The following USP28 variants were observed in gnomAD, a reference collection of about 807,000 sequenced individuals.
The protein encoded by USP28 is ubiquitin carboxyl-terminal hydrolase 28.
USP28 carries 113 observed loss-of-function variants against 145.0 expected under a neutral mutation model. The observed-to-expected ratio is 0.78, with a 90% CI of 0.67 to 0.91. The LOEUF (loss-of-function observed/expected upper bound fraction) is 0.91. Among genes scored for constraint, USP28 ranks in the 40% least tolerant of loss-of-function variants. USP28 has a pLI of 0.00. For synonymous variants in USP28, 447 were observed against 450.9 expected, an observed-to-expected ratio of 0.99 and a Z score of 0.11; for missense variants, 1,201 against 1,289.6, an observed-to-expected ratio of 0.93 and a Z score of 1.05.
exon 25 of USP28, chr11:113,798,503 G>A (rs1938353941): frequency 1.3e-5 from 2 of 152,388 alleles, no homozygotes; most frequent in South Asian, 4.1e-4. Flanking sequence ...CAATTTTTAG[G>A]TATTAGAAAA....
At chr11:113,838,106 A>G (rs1944775207) in intron 5 of USP28, among the ~76,000 whole-genome samples, 1 of 151,996 alleles carries the variant, frequency 6.6e-6, no homozygotes, top group South Asian at 2.1e-4. Flanking sequence ...GACTCCTCAG[A>G]TATACTTTCT....
chr11:113,869,059 C>T (rs1025117600), intron 1 of USP28, among the ~76,000 whole-genome samples: 5 of 151,854 alleles, frequency 3.3e-5, no homozygotes, highest in African/African-American at 7.3e-5. Context: ...CTTTTGGAGG[C>T]TGAGGCAGGA....
intron 1 of USP28, among the ~76,000 whole-genome samples, chr11:113,864,939 C>T (rs951704102): frequency 2.0e-5 from 3 of 152,184 alleles, no homozygotes; most frequent in African/African-American, 7.2e-5. Context: ...TAAGCTCAAG[C>T]GATCCTCCCT....
At chr11:113,853,301 CAAAAAAAAAAAAA>C (rs35806711) in intron 2 of USP28, among the ~76,000 whole-genome samples, 652 of 54,980 alleles carry the variant, frequency 0.012, 15 homozygotes, top group Middle Eastern at 0.047. Flanking sequence ...TCTCCTGTCT[CAAAAAAAAAAAAA>C]AAAAAAAAAA....
At chr11:113,823,924 T>A (rs569044789) in intron 11 of USP28, among the ~76,000 whole-genome samples, 1 of 152,208 alleles carries the variant, frequency 6.6e-6, no homozygotes, top group East Asian at 1.9e-4. Context: ...ACTGAAGATA[T>A]AACCAATGCA....
chr11:113,851,359 T>C (rs2136433819), intron 3 of USP28, among the ~76,000 whole-genome samples: 1 of 152,336 alleles, frequency 6.6e-6, no homozygotes, highest in Non-Finnish European at 1.5e-5. Context: ...CCTCCTTCTC[T>C]TTCCATGGCC....
At chr11:113,871,611 G>A (rs1219388591) in intron 1 of USP28, among the ~76,000 whole-genome samples, 2 of 152,048 alleles carry the variant, frequency 1.3e-5, no homozygotes, top group Non-Finnish European at 2.9e-5. Context: ...CATTAATCTA[G>A]GTTTATCTCT....
At chr11:113,845,871 G>C (rs556168149) in intron 3 of USP28, among the ~76,000 whole-genome samples, 1 of 152,102 alleles carries the variant, frequency 6.6e-6, no homozygotes, top group Non-Finnish European at 1.5e-5. Context: ...TACAGTGCCC[G>C]GACTAAAACA....
chr11:113,829,509 A>G, intron 9 of USP28, 164 bp from the exon 10 acceptor site: 1 of 760,154 alleles, frequency 1.3e-6, no homozygotes, highest in Non-Finnish European at 2.0e-6. Context: ...GTCAATCTAG[A>G]CACTGAACAA....
chr11:113,827,740 A>G (rs930522317), intron 10 of USP28, among the ~76,000 whole-genome samples: 4 of 152,226 alleles, frequency 2.6e-5, no homozygotes, highest in African/African-American at 9.6e-5. Context: ...TAACTACAGA[A>G]TATGAAATTA....
At chr11:113,869,288 G>A (rs1046622904) in intron 1 of USP28, among the ~76,000 whole-genome samples, 2 of 152,290 alleles carry the variant, frequency 1.3e-5, no homozygotes, top group Middle Eastern at 3.4e-3. Context: ...CAAAAATTAG[G>A]CGTGGTGGCA....
At chr11:113,839,267 G>A (rs1444380255) in intron 5 of USP28, among the ~76,000 whole-genome samples, 1 of 152,156 alleles carries the variant, frequency 6.6e-6, no homozygotes, top group African/African-American at 2.4e-5. Flanking sequence ...ACAGGCACAG[G>A]CACCTCAGAC....
chr11:113,861,008 C>T (rs1947622790), intron 1 of USP28, among the ~76,000 whole-genome samples: 1 of 151,900 alleles, frequency 6.6e-6, no homozygotes, highest in African/African-American at 2.4e-5. Flanking sequence ...GTCCCAGCTA[C>T]TCGGGAGGCT....
intron 12 of USP28, 85 bp downstream of exon 12, chr11:113,823,520 C>T (rs1591262348): frequency 7.5e-6 from 8 of 1,064,294 alleles, no homozygotes; most frequent in African/African-American, 3.3e-5. Context: ...AATATTTAAA[C>T]GTTGAGTTAA....
intron 16 of USP28, among the ~76,000 whole-genome samples, chr11:113,809,824 G>C (rs917028731): frequency 3.3e-5 from 5 of 152,188 alleles, no homozygotes; most frequent in African/African-American, 4.8e-5. Context: ...CTTGAGGTAG[G>C]AGTTCAAGAC....
Position 113,863,320 on chromosome 11 carries a change from A to G in USP28, c.58-8985T>C, listed in dbSNP as rs538264577. Among the ~76,000 whole-genome samples, 3 of 152,332 alleles carry G rather than the reference A, an allele frequency of 2.0e-5. 1 individual carries two copies. In the South Asian group the frequency reaches 6.2e-4, roughly 32 times the overall value. On this transcript the variant is annotated intron_variant, in intron 1 of 24. Transcript: ENST00000003302. ...AAAATACTTAGGAATAAATTTGACCAAAGAGGTAAAAAACCTGGGCCGGGC... is the reference window on the plus strand; with the variant it reads ...AAAATACTTAGGAATAAATTTGACCGAAGAGGTAAAAAACCTGGGCCGGGC...
intron 12 of USP28, among the ~76,000 whole-genome samples, chr11:113,819,075 A>C (rs1174219281): frequency 6.6e-6 from 1 of 151,914 alleles, no homozygotes; most frequent in Non-Finnish European, 1.5e-5. Flanking sequence ...AAATATATCA[A>C]GGTTATCTTA....
intron 17 of USP28, 116 bp from the exon 18 acceptor site, chr11:113,808,553 T>TG: frequency 4.4e-6 from 5 of 1,130,094 alleles, no homozygotes; most frequent in Non-Finnish European, 6.0e-6. Flanking sequence ...ACACAGCTTT[T>TG]TACAAAAGCC....
chr11:113,801,067 C>T (rs1264918453), intron 24 of USP28, among the ~76,000 whole-genome samples: 1 of 152,182 alleles, frequency 6.6e-6, no homozygotes, highest in Non-Finnish European at 1.5e-5. Context: ...TGGTCTTGAA[C>T]TCCTGGCCTC....
Sources: gnomAD v4.1 joint callset for allele counts (sites outside exome capture counted in the v4.1 genomes callset) on GRCh38, gnomAD v4.1.1 for gene constraint, MANE v1.5 for transcripts, NCBI Gene and HGNC (gene_info 2026-07-23, HGNC 2026-07-21) for gene names.